Variants in OR1L8 observed in about 807,000 individuals in gnomAD.
The protein encoded by OR1L8 is olfactory receptor 1L8.
For missense variants in OR1L8, 330 were observed against 377.4 expected, an observed-to-expected ratio of 0.87 and a Z score of 1.04; for synonymous variants, 148 against 147.0, an observed-to-expected ratio of 1.01 and a Z score of -0.05.
chr9:122,571,444 G>A (rs1258028939), intron 4 of OR1L8, among the ~76,000 whole-genome samples: 1 of 151,916 alleles, frequency 6.6e-6, no homozygotes, highest in African/African-American at 2.4e-5. Context: ...CAGCTACTCG[G>A]TAGGCTGAGG....
intron 3 of OR1L8, among the ~76,000 whole-genome samples, chr9:122,576,349 G>C (rs895389216): frequency 6.6e-6 from 1 of 151,482 alleles, no homozygotes. Flanking sequence ...AGCCTCCCAA[G>C]TAGCTGGGAT....
At chr9:122,560,750 G>C in the OR1L8 span, among the ~76,000 whole-genome samples, 1 of 152,124 alleles carries the variant, frequency 6.6e-6, no homozygotes, top group African/African-American at 2.4e-5. Context: ...CTGTCTGGCT[G>C]CCCTTAACAT....
At chr9:122,569,605 C>T (rs1829503033) in intron 4 of OR1L8, among the ~76,000 whole-genome samples, 1 of 81,466 alleles carries the variant, frequency 1.2e-5, no homozygotes, top group African/African-American at 4.9e-5. Context: ...TTTTGGCTAC[C>T]ATAAAATCTC....
At position 122,568,436 on chromosome 9, in the gene OR1L8, G is replaced by T. The variant is rs757236276; in HGVS notation, c.42C>A (p.Ile14=). The change falls in exon 5 of 5, where the codon ATC becomes ATA. Residue 14 remains isoleucine (I), a synonymous_variant. Coordinates refer to ENST00000641027, the MANE Select transcript of OR1L8 (RefSeq NM_001004454.2). Reference sequence around the variant, plus strand: ...CAGGCCGGGAGGAGAGTCCCAGGAGGATAAACTCGGAGACACTGCTGGTGT... The same window carrying T: ...CAGGCCGGGAGGAGAGTCCCAGGAGTATAAACTCGGAGACACTGCTGGTGT... The part of the protein sequence containing the change: ...INHTSSVSEF[I]LLGLSSRPED... 1.2e-6 allele frequency: 2 copies of T among 1,610,274 alleles called. No individual in the cohort carries two copies. The highest frequency in any genetic ancestry group is 2.7e-5 in the African/African-American group (2 of 74,736).
chr9:122,553,072 G>T, the OR1L8 span: 10 of 830,802 alleles, frequency 1.2e-5, no homozygotes, highest in African/African-American at 1.7e-4. Context: ...GATTCTTATT[G>T]GCAAAGACCA....
the OR1L8 span, among the ~76,000 whole-genome samples, chr9:122,556,283 T>C: frequency 3.1e-5 from 2 of 64,116 alleles, no homozygotes; most frequent in African/African-American, 1.2e-4. Flanking sequence ...GTCTAGATTC[T>C]TTTTTTTTTT....
intron 2 of OR1L8, among the ~76,000 whole-genome samples, chr9:122,577,542 A>ACTT (rs1829679364): frequency 6.6e-6 from 1 of 152,246 alleles, no homozygotes; most frequent in Non-Finnish European, 1.5e-5. Flanking sequence ...CATGTGAACA[A>ACTT]GTAATTAATG....
chr9:122,582,611 G>T (rs1301007034), intron 1 of OR1L8, among the ~76,000 whole-genome samples: 1 of 152,006 alleles, frequency 6.6e-6, no homozygotes, highest in East Asian at 1.9e-4. Context: ...TCCCAGCTAT[G>T]CAGGAGGCTG....
downstream of OR1L8, among the ~76,000 whole-genome samples, chr9:122,564,148 A>G (rs1829394133): frequency 6.6e-6 from 1 of 152,186 alleles, no homozygotes. Flanking sequence ...TCCAGGAGAC[A>G]CGAAACATCA....
chr9:122,570,944 G>A (rs1829536432), intron 4 of OR1L8, among the ~76,000 whole-genome samples: 1 of 152,182 alleles, frequency 6.6e-6, no homozygotes, highest in Admixed American at 6.5e-5. Flanking sequence ...GGCTTAGAGA[G>A]GTGAAGTGAT....
At chr9:122,569,606 A>G (rs1354173385) in intron 4 of OR1L8, among the ~76,000 whole-genome samples, 1 of 83,042 alleles carries the variant, frequency 1.2e-5, no homozygotes, top group African/African-American at 4.7e-5. Flanking sequence ...TTTGGCTACC[A>G]TAAAATCTCT....
In OR1L8 at chr9:122,567,947, G is replaced by C; in HGVS notation, c.531C>G (p.His177Gln). The change falls in exon 5 of 5, where the codon CAC (histidine) becomes CAG (glutamine). Residue 177 changes from histidine to glutamine, a missense_variant. Coordinates refer to ENST00000641027, the MANE Select transcript of OR1L8 (RefSeq NM_001004454.2). ...GCACAGGGCTGAGGTCACAGAGAAAGTGGTGGATAACATTGGAGTCACAGA... is the reference window on the plus strand; with the variant it reads ...GCACAGGGCTGAGGTCACAGAGAAACTGGTGGATAACATTGGAGTCACAGA... Reference protein sequence around the residue: ...LTFCDSNVIHHFLCDLSPVLK... With the variant: ...LTFCDSNVIHQFLCDLSPVLK... The C allele has an allele frequency of 6.2e-7, 1 of 1,614,206 alleles. No homozygotes were observed. The highest frequency in any genetic ancestry group is 1.7e-5 in the Admixed American group (1 of 60,036).
At chr9:122,582,754 A>T (rs529059442) in intron 1 of OR1L8, among the ~76,000 whole-genome samples, 2 of 152,266 alleles carry the variant, frequency 1.3e-5, no homozygotes, top group African/African-American at 4.8e-5. Context: ...GGAAAAAAAG[A>T]CATAATGAGC....
At chr9:122,573,163 T>C (rs1320260802) in intron 3 of OR1L8, among the ~76,000 whole-genome samples, 7 of 152,188 alleles carry the variant, frequency 4.6e-5, no homozygotes, top group African/African-American at 1.4e-4. Flanking sequence ...TAGGCTGATA[T>C]AGCTGTGGTG....
chr9:122,571,693 C>T (rs1456947574), intron 4 of OR1L8, among the ~76,000 whole-genome samples: 14 of 147,958 alleles, frequency 9.5e-5, no homozygotes, highest in East Asian at 2.0e-4. Flanking sequence ...TCCAGCCTGG[C>T]GACAGAGCGA....
At chr9:122,557,091 C>T in the OR1L8 span, among the ~76,000 whole-genome samples, 5 of 151,994 alleles carry the variant, frequency 3.3e-5, no homozygotes, top group African/African-American at 7.2e-5. Context: ...CCCTGTATCC[C>T]GAAACCTTGC....
intron 4 of OR1L8, among the ~76,000 whole-genome samples, chr9:122,572,532 G>A (rs1258539038): frequency 2.0e-5 from 3 of 151,874 alleles, no homozygotes; most frequent in African/African-American, 7.3e-5. Context: ...GTGAGTGTAT[G>A]GGGCTGGGAA....
chr9:122,556,533 G>C, the OR1L8 span, among the ~76,000 whole-genome samples: 1 of 152,098 alleles, frequency 6.6e-6, no homozygotes, highest in East Asian at 1.9e-4. Flanking sequence ...AGGGGACAAG[G>C]GGAGGGAGAG....
intron 1 of OR1L8, among the ~76,000 whole-genome samples, chr9:122,582,331 A>G (rs1346495051): frequency 6.6e-6 from 1 of 152,224 alleles, no homozygotes; most frequent in African/African-American, 2.4e-5. Context: ...GGAATTAGGT[A>G]AAAGTAAACA....
Sources: gnomAD v4.1 joint callset for allele counts (sites outside exome capture counted in the v4.1 genomes callset) on GRCh38, gnomAD v4.1.1 for gene constraint, MANE v1.5 for transcripts, NCBI Gene and HGNC (gene_info 2026-07-23, HGNC 2026-07-21) for gene names.